Variants in UHRF2 observed in about 807,000 individuals in gnomAD.
UHRF2 encodes E3 ubiquitin-protein ligase UHRF2.
A neutral mutation model predicts 96.8 loss-of-function variants in UHRF2; 23 were observed. The observed-to-expected ratio is 0.24, with a 90% CI of 0.17 to 0.34. The LOEUF (loss-of-function observed/expected upper bound fraction) is 0.34. Ranked by LOEUF, UHRF2 falls within the 10% of genes least tolerant of loss-of-function variation. The pLI is 1.00. For missense variants in UHRF2, 685 were observed against 981.5 expected (o/e 0.70, Z 4.04); for synonymous variants, 385 against 332.6 (o/e 1.16, Z -1.72).
At chr9:6,427,457 C>G (rs962197863) in intron 2 of UHRF2, among the ~76,000 whole-genome samples, 5 of 152,074 alleles carry the variant, frequency 3.3e-5, no homozygotes, top group African/African-American at 1.2e-4. Context: ...GAGGTCGAGG[C>G]AGGCAGAGCA....
intron 3 of UHRF2, among the ~76,000 whole-genome samples, chr9:6,443,602 C>T (rs1821310256): frequency 6.6e-6 from 1 of 152,164 alleles, no homozygotes; most frequent in African/African-American, 2.4e-5. Flanking sequence ...TTTCACAGAA[C>T]AGATACTATA....
chr9:6,486,948 T>C, intron 9 of UHRF2, 23 bp downstream of exon 9: 1 of 1,606,668 alleles, frequency 6.2e-7, no homozygotes, highest in Non-Finnish European at 8.5e-7. Flanking sequence ...ACAACCTTAC[T>C]CATTAGTACC....
chr9:6,501,782 T>C (rs971373155), intron 14 of UHRF2, among the ~76,000 whole-genome samples: 1 of 152,204 alleles, frequency 6.6e-6, no homozygotes, highest in African/African-American at 2.4e-5. Flanking sequence ...CATTTTCACT[T>C]ATAGGAAATT....
At chr9:6,467,368 C>A (rs1056890766) in intron 4 of UHRF2, among the ~76,000 whole-genome samples, 2 of 152,154 alleles carry the variant, frequency 1.3e-5, no homozygotes, top group African/African-American at 4.8e-5. Context: ...ATAATCTTCC[C>A]ATTTCAAGGT....
In UHRF2 at chr9:6,421,027, A is replaced by C; in HGVS notation, c.269A>C (p.Lys90Thr). 6.2e-7 allele frequency: 1 copy of C among 1,614,194 alleles called. No homozygotes were observed. The highest frequency in any genetic ancestry group is 8.5e-7 in the Non-Finnish European group (1 of 1,180,024). Residue 90 changes from lysine to threonine, a missense_variant, in exon 2 of 16, where the codon AAA becomes ACA. By Grantham distance (78) the Lys-to-Thr change is moderately conservative. Around this residue, in one of 6 missense-constraint regions of UHRF2, gnomAD observed 391 missense variants for 437.0 expected, o/e 0.89. Coordinates refer to ENST00000276893, the MANE Select transcript of UHRF2 (RefSeq NM_152896.3). ...LPGTSTQIEA[K>T]PCSNSPPKVK... ...GGCACATCTACACAGATTGAGGCTA[A>C]ACCCTGTTCTAATAGTCCACCTAAA...
At chr9:6,472,506 A>G (rs908249859) in intron 4 of UHRF2, among the ~76,000 whole-genome samples, 1 of 152,226 alleles carries the variant, frequency 6.6e-6, no homozygotes, top group Non-Finnish European at 1.5e-5. Flanking sequence ...AACTGGGGGA[A>G]TATTGTTCTC....
chr9:6,418,589 G>C (rs1300041927), intron 1 of UHRF2, among the ~76,000 whole-genome samples: 2 of 152,126 alleles, frequency 1.3e-5, no homozygotes, highest in Admixed American at 6.6e-5. Context: ...TCTCAAATAT[G>C]ATGTTACTGT....
chr9:6,418,100 C>T (rs989944000), intron 1 of UHRF2, among the ~76,000 whole-genome samples: 9 of 151,992 alleles, frequency 5.9e-5, no homozygotes, highest in African/African-American at 1.2e-4. Context: ...TTGTATGTTA[C>T]GCTTTTTCAG....
chr9:6,497,718 G>C (rs538858795), intron 11 of UHRF2, among the ~76,000 whole-genome samples: 1 of 152,024 alleles, frequency 6.6e-6, no homozygotes, highest in South Asian at 2.1e-4. Context: ...CATAGTAATA[G>C]ATTTTCATTC....
chr9:6,417,050 AACATATATAATACAC>A (rs1819648660), intron 1 of UHRF2, among the ~76,000 whole-genome samples: 1 of 152,164 alleles, frequency 6.6e-6, no homozygotes, highest in Admixed American at 6.6e-5. Context: ...TGATGTATAT[AACATATATAATACAC>A]ACATATATAA....
chr9:6,479,187 A>C (rs1054354721), intron 6 of UHRF2, among the ~76,000 whole-genome samples: 3 of 152,134 alleles, frequency 2.0e-5, no homozygotes, highest in African/African-American at 7.2e-5. Flanking sequence ...CTCAAGAGCT[A>C]TCTCTACTAA....
rs529986928 is a variant in UHRF2, at chr9:6,440,952, C to A, written c.644+6779C>A. 3.9e-5 allele frequency among the ~76,000 whole-genome samples: 6 copies of A among 152,306 alleles called. No homozygotes were observed. The South Asian group carries it at 1.2e-3, about 32-fold the overall frequency. On this transcript the variant is annotated intron_variant, in intron 3 of 15. Coordinates refer to ENST00000276893, the MANE Select transcript of UHRF2 (RefSeq NM_152896.3). ...CTAATCATTCCCTGTGATTCTATTT[C>A]ATTCCCTGTGATTCCCTGTGATAAT...
chr9:6,467,771 G>T (rs1049132016), intron 4 of UHRF2, among the ~76,000 whole-genome samples: 4 of 151,978 alleles, frequency 2.6e-5, no homozygotes, highest in Admixed American at 2.6e-4. Flanking sequence ...AGCCTTTTTA[G>T]ACCACATAGG....
At chr9:6,413,691 C>T (rs1437152766) in intron 1 of UHRF2, 48 bp downstream of exon 1, 9 of 1,484,190 alleles carry the variant, frequency 6.1e-6, no homozygotes, top group Middle Eastern at 2.4e-4. Context: ...GCCGGAACAG[C>T]TGGGCTCCTC....
chr9:6,504,996 A>G (rs564566718), intron 15 of UHRF2, among the ~76,000 whole-genome samples: 2 of 152,320 alleles, frequency 1.3e-5, no homozygotes, highest in Admixed American at 6.5e-5. Context: ...TATATATTAT[A>G]GCGCAAACTG....
intron 4 of UHRF2, among the ~76,000 whole-genome samples, chr9:6,472,573 G>A (rs1823310641): frequency 6.6e-6 from 1 of 152,200 alleles, no homozygotes; most frequent in African/African-American, 2.4e-5. Context: ...CAAGATGACT[G>A]AAGATAATTT....
chr9:6,428,533 C>CTTTTTTTTTTGTTTTTTTTTTT (rs1820383881), intron 2 of UHRF2, among the ~76,000 whole-genome samples: 1 of 65,358 alleles, frequency 1.5e-5, no homozygotes, highest in African/African-American at 6.7e-5. Context: ...ATTGCTTTTG[C>CTTTTTTTTTTGTTTTTTTTTTT]TTTTTTTTTT....
chr9:6,460,301 C>T (rs1822456676), intron 3 of UHRF2, among the ~76,000 whole-genome samples: 1 of 152,102 alleles, frequency 6.6e-6, no homozygotes, highest in Non-Finnish European at 1.5e-5. Flanking sequence ...ACTTACTTGC[C>T]TGACAACCTG....
At chr9:6,447,637 CAT>C (rs1821598801) in intron 3 of UHRF2, among the ~76,000 whole-genome samples, 1 of 152,024 alleles carries the variant, frequency 6.6e-6, no homozygotes, top group Admixed American at 6.5e-5. Context: ...GGTTAAGATA[CAT>C]GTTTCTTTCC....
Sources: gnomAD v4.1 joint callset for allele counts (sites outside exome capture counted in the v4.1 genomes callset) on GRCh38, gnomAD v4.1.1 for gene constraint, gnomAD v4.1.1 regional missense constraint, MANE v1.5 for transcripts, NCBI Gene and HGNC (gene_info 2026-07-23, HGNC 2026-07-21) for gene names.